Variants in RP1 observed in about 807,000 individuals in gnomAD.
The protein encoded by RP1 is oxygen-regulated protein 1.
A neutral mutation model predicts 14.8 loss-of-function variants in RP1; 16 were observed. The observed-to-expected ratio is 1.08, with a 90% CI of 0.73 to 1.65. The LOEUF is 1.65. RP1 is among the 40% of genes most tolerant of loss of function. The pLI is 0.00. For synonymous variants in RP1, 876 were observed against 883.6 expected (o/e 0.99, Z 0.15); for missense variants, 2,631 against 2,535.0 (o/e 1.04, Z -0.81).
chr8:54,736,839 G>T (rs981925698), intron 18 of RP1, among the ~76,000 whole-genome samples: 1 of 152,114 alleles, frequency 6.6e-6, no homozygotes, highest in African/African-American at 2.4e-5. Flanking sequence ...AGATCCCCAG[G>T]TAATCTGTGT....
At chr8:54,643,891 C>T (rs1806496698) in intron 3 of RP1, among the ~76,000 whole-genome samples, 1 of 152,094 alleles carries the variant, frequency 6.6e-6, no homozygotes, top group South Asian at 2.1e-4. Flanking sequence ...GCTTTCTAGC[C>T]CCCAATAATT....
chr8:54,825,932 A>G (rs1462224055), intron 24 of RP1, among the ~76,000 whole-genome samples: 1 of 151,958 alleles, frequency 6.6e-6, no homozygotes, highest in African/African-American at 2.4e-5. Flanking sequence ...GCCTGGTGCA[A>G]TGGCTTGCAC....
At chr8:54,679,433 G>T in exon 10 of RP1, 1 of 1,535,836 alleles carries the variant, frequency 6.5e-7, no homozygotes, top group African/African-American at 1.4e-5. Context: ...GCTAGATCAG[G>T]GGGAAGATGA....
intron 16 of RP1, among the ~76,000 whole-genome samples, chr8:54,725,318 C>T (rs886316437): frequency 1.4e-4 from 21 of 151,858 alleles, no homozygotes; most frequent in Non-Finnish European, 2.2e-4. Flanking sequence ...CCTTTATTAT[C>T]GATTTTTAGT....
At chr8:54,842,826 G>T (rs903100838) in intron 25 of RP1, among the ~76,000 whole-genome samples, 1 of 152,124 alleles carries the variant, frequency 6.6e-6, no homozygotes, top group East Asian at 1.9e-4. Flanking sequence ...TATCTCCCTC[G>T]TGGCTCTGGC....
rs961130457 is a variant in RP1 at position 54,580,927 on chromosome 8, A to G, written c.-13+21607A>G. ...CAACTGCGCCTGGCCCAACATATAC[A>G]TTTTTAAGCCTTTGGGATAGTTTGT... On this transcript the variant is annotated intron_variant, in intron 1 of 22. Coordinates refer to the RP1 transcript ENST00000636932. Among the ~76,000 whole-genome samples, 7 of 152,292 alleles carry G rather than the reference A, an allele frequency of 4.6e-5. No homozygotes were observed. The East Asian group carries it at 1.4e-3, about 29-fold the overall frequency.
intron 24 of RP1, among the ~76,000 whole-genome samples, chr8:54,815,557 T>C (rs1462543841): frequency 6.6e-6 from 1 of 152,164 alleles, no homozygotes; most frequent in East Asian, 1.9e-4. Context: ...ACAAACGAAG[T>C]CTGGAATTTT....
intron 2 of RP1, among the ~76,000 whole-genome samples, 155 bp from the exon 3 acceptor site, chr8:54,621,962 G>A (rs1805892369): frequency 6.6e-6 from 1 of 152,090 alleles, no homozygotes; most frequent in Middle Eastern, 3.2e-3. Flanking sequence ...TGGTATTTCC[G>A]CTTATTTTGT....
At chr8:54,703,760 T>C (rs1354009630) in intron 14 of RP1, among the ~76,000 whole-genome samples, 1 of 152,224 alleles carries the variant, frequency 6.6e-6, no homozygotes, top group Non-Finnish European at 1.5e-5. Flanking sequence ...ATCTCATCAA[T>C]TATCTTAACT....
intron 22 of RP1, among the ~76,000 whole-genome samples, chr8:54,767,012 C>T (rs184491790): frequency 5.3e-4 from 81 of 152,254 alleles, no homozygotes; most frequent in African/African-American, 1.9e-3. Context: ...AATGTGAAAA[C>T]TTGCTTCACT....
chr8:54,722,547 C>A (rs756176951), intron 16 of RP1, among the ~76,000 whole-genome samples: 3 of 152,094 alleles, frequency 2.0e-5, no homozygotes, highest in Non-Finnish European at 4.4e-5. Flanking sequence ...TATTTTCTAA[C>A]TAAACTATCT....
chr8:54,586,893 C>A (rs1585530084), intron 1 of RP1, among the ~76,000 whole-genome samples: 3 of 152,338 alleles, frequency 2.0e-5, no homozygotes, highest in Admixed American at 2.0e-4. Flanking sequence ...TGCCGTCTGT[C>A]ACCCCTTTAT....
chr8:54,776,670 C>A (rs1241579756), intron 23 of RP1, among the ~76,000 whole-genome samples: 1 of 152,088 alleles, frequency 6.6e-6, no homozygotes, highest in African/African-American at 2.4e-5. Context: ...GGTTTGGCAG[C>A]AAGTATCAAG....
intron 1 of RP1, among the ~76,000 whole-genome samples, chr8:54,581,199 C>T (rs1285772141): frequency 6.7e-6 from 1 of 150,238 alleles, no homozygotes; most frequent in Non-Finnish European, 1.5e-5. Context: ...TGTTCCCCTT[C>T]CTGTGTCCAT....
intron 25 of RP1, among the ~76,000 whole-genome samples, chr8:54,844,943 A>G (rs898740169): frequency 3.9e-5 from 6 of 152,114 alleles, no homozygotes; most frequent in Admixed American, 3.3e-4. Flanking sequence ...CCTCTAGCCC[A>G]CTGTCTGGCA....
intron 27 of RP1, among the ~76,000 whole-genome samples, chr8:54,857,409 T>A (rs1812231042): frequency 6.7e-6 from 1 of 148,832 alleles, no homozygotes; most frequent in Non-Finnish European, 1.5e-5. Context: ...ATGATATATA[T>A]TTACATTAGG....
downstream of RP1, chr8:54,770,088 C>G: frequency 2.5e-6 from 1 of 407,234 alleles, no homozygotes; most frequent in Admixed American, 4.2e-5. Flanking sequence ...TCAGACAGAT[C>G]TGTTATTAAC....
intron 19 of RP1, among the ~76,000 whole-genome samples, chr8:54,740,524 C>G (rs915912579): frequency 1.3e-5 from 2 of 150,782 alleles, no homozygotes; most frequent in Non-Finnish European, 2.9e-5. Flanking sequence ...GAGTTCAAGA[C>G]CAGCCTGACC....
At chr8:54,744,495 T>G (rs935651266) in intron 19 of RP1, among the ~76,000 whole-genome samples, 4 of 152,224 alleles carry the variant, frequency 2.6e-5, no homozygotes, top group Non-Finnish European at 5.9e-5. Context: ...AGTTTCCTTG[T>G]GTTCGAAGGA....
Sources: gnomAD v4.1 joint callset for allele counts (sites outside exome capture counted in the v4.1 genomes callset) on GRCh38, gnomAD v4.1.1 for gene constraint, MANE v1.5 for transcripts, NCBI Gene and HGNC (gene_info 2026-07-23, HGNC 2026-07-21) for gene names.